Variants in STARD9 observed in about 807,000 individuals in gnomAD.
The protein encoded by STARD9 is StAR related lipid transfer domain containing 9.
STARD9 carries 346 observed loss-of-function variants against 399.8 expected under a neutral mutation model. The ratio of observed to expected loss-of-function variants is 0.87; its 90% CI spans 0.79 to 0.95. The LOEUF (loss-of-function observed/expected upper bound fraction) is 0.95, where lower values mean the gene tolerates loss of function less well. Among genes scored for constraint, STARD9 ranks in the 40% least tolerant of loss-of-function variants. The probability of loss-of-function intolerance (pLI) is 0.00; values close to 1 mark genes in which losing one functional copy is unlikely to be tolerated. For missense variants in STARD9, 5,832 were observed against 5,667.5 expected (o/e 1.03, Z -0.93); for synonymous variants, 2,203 against 2,143.5 (o/e 1.03, Z -0.77).
intron 3 of STARD9, among the ~76,000 whole-genome samples, chr15:42,601,500 C>T (rs902418413): frequency 2.7e-5 from 4 of 148,026 alleles, no homozygotes; most frequent in Non-Finnish European, 5.9e-5. Context: ...GGCTGCCCCC[C>T]ACCTCCCGGA....
chr15:42,656,709 T>G (rs2059880384), intron 9 of STARD9, among the ~76,000 whole-genome samples: 1 of 152,196 alleles, frequency 6.6e-6, no homozygotes, highest in African/African-American at 2.4e-5. Flanking sequence ...TTATTCTAAG[T>G]TAAGTGTCTC....
chr15:42,601,668 G>C (rs1304166927), intron 3 of STARD9, among the ~76,000 whole-genome samples: 1 of 152,040 alleles, frequency 6.6e-6, no homozygotes, highest in Non-Finnish European at 1.5e-5. Flanking sequence ...AGGGTTTTCT[G>C]AGCAAAACTC....
chr15:42,690,411 G>A lies in STARD9; in HGVS notation c.8833G>A (p.Gly2945Arg). Residue 2945 changes from glycine (G) to arginine (R), a missense_variant, in exon 23 of 33, where the codon GGG becomes AGG. Transcript: ENST00000290607. ...CAGCAGGACTCTCAGCCCGTCTAGA[G>A]GGAAAGAGAGCAGAACTCTTCCTTG... The part of the protein sequence containing the change: ...EGSRTLSPSR[G>R]KESRTLPCRQ... 2.0e-6 allele frequency: 3 copies of A among 1,537,260 alleles called. No individual in the cohort carries two copies. The highest frequency in any genetic ancestry group is 2.6e-6 in the Non-Finnish European group (3 of 1,146,912).
In STARD9 at chr15:42,690,078, C is replaced by G; in HGVS notation, c.8500C>G (p.His2834Asp). Residue 2834 changes from histidine to aspartate, a missense_variant, in exon 23 of 33, where the codon CAT (histidine) becomes GAT (aspartate). This residue lies in a region of STARD9 where 5,828 missense variants were observed against 5,651.1 expected (regional missense o/e 1.03). Transcript: ENST00000290607. ...STSASGPKQDHVQCPEASTGF... is the reference protein window; with the variant it reads ...STSASGPKQDDVQCPEASTGF... The stretch of plus-strand genomic sequence containing the variant: ...AAGTGCCTCAGGGCCTAAGCAAGAC[C>G]ATGTCCAATGCCCTGAGGCTTCTAC... 6.5e-7 allele frequency: 1 copy of G among 1,537,588 alleles called. No individual in the cohort carries two copies. Among genetic ancestry groups the G allele is most frequent in the South Asian group, 1.2e-5 (1 of 84,058 alleles).
intron 3 of STARD9, among the ~76,000 whole-genome samples, chr15:42,596,414 A>T (rs1420264407): frequency 6.6e-6 from 1 of 152,230 alleles, no homozygotes; most frequent in Non-Finnish European, 1.5e-5. Flanking sequence ...AAGTATGATG[A>T]TGGTGATGAT....
In STARD9 at chr15:42,675,881, G is replaced by T. The variant is rs554285263; in HGVS notation, c.1780G>T (p.Ala594Ser). 1.3e-6 allele frequency: 2 copies of T among 1,537,124 alleles called. No homozygotes were observed. The highest frequency in any genetic ancestry group is 1.7e-6 in the Non-Finnish European group (2 of 1,146,900). Residue 594 changes from alanine (A) to serine (S), a missense_variant, in exon 20 of 33, where the codon GCT becomes TCT. Transcript: ENST00000290607. Reference sequence around the variant, plus strand: ...TTCTTCCTTGTTCAAGGTTGGAGAGGCTGCTGCTGGTCGTGGCTCGTTGGA... The same window carrying T: ...TTCTTCCTTGTTCAAGGTTGGAGAGTCTGCTGCTGGTCGTGGCTCGTTGGA... ...VLRQRRQVGE[A>S]AAGRGSLEWL...
At chr15:42,658,504 A>T (rs2059924748) in intron 9 of STARD9, among the ~76,000 whole-genome samples, 1 of 127,430 alleles carries the variant, frequency 7.8e-6, no homozygotes. Context: ...TTTTAATGAG[A>T]CTGATTCTTG....
rs2060542652 is a variant in STARD9 at position 42,685,902 on chromosome 15, G to A, written c.4324G>A (p.Gly1442Ser). ...ACCAGGAGCTGATGGCACCTTTCAG[G>A]GCAGATGTATCCCTGACATGACCCA... ...IQPGADGTFQ[G>S]RCIPDMTQQG... Residue 1442 changes from glycine (G) to serine (S), a missense_variant, in exon 23 of 33, where the codon GGC (glycine) becomes AGC (serine). Around this residue, in one of 2 missense-constraint regions of STARD9, gnomAD observed 5,828 missense variants for 5,651.1 expected, o/e 1.03. Transcript: ENST00000290607. The A allele has an allele frequency of 6.5e-7, 1 of 1,537,084 alleles. No individual in the cohort carries two copies. Among genetic ancestry groups the A allele is most frequent in the Non-Finnish European group, 8.7e-7 (1 of 1,146,910 alleles).
chr15:42,669,524 T>G (rs1360102502), intron 16 of STARD9, 187 bp downstream of exon 16: 2 of 471,214 alleles, frequency 4.2e-6, no homozygotes, highest in African/African-American at 3.8e-5. Flanking sequence ...TTCGTATGTA[T>G]AGAGCAGAAG....
rs191655165 is a variant in STARD9, at chr15:42,612,019, A to G, written c.235-22837A>G. On this transcript the variant is annotated intron_variant, in intron 3 of 32. Transcript: ENST00000290607. ...GGTCTCACTCTGTCGTCCAGGCTGGAGTGCAGTGGCACAATCATGGCTCAC... is the reference window on the plus strand; with the variant it reads ...GGTCTCACTCTGTCGTCCAGGCTGGGGTGCAGTGGCACAATCATGGCTCAC... Among the ~76,000 whole-genome samples, 188 of 152,220 alleles carry G rather than the reference A, an allele frequency of 1.2e-3. 1 individual carries two copies. Among genetic ancestry groups the G allele is most frequent in the African/African-American group, 4.2e-3 (174 of 41,530 alleles).
chr15:42,639,389 TTGG>T (rs1434149431), intron 7 of STARD9, among the ~76,000 whole-genome samples: 3 of 152,264 alleles, frequency 2.0e-5, no homozygotes, highest in Non-Finnish European at 4.4e-5. Flanking sequence ...TTCTCTGCCA[TTGG>T]TGGTGGTAGT....
chr15:42,614,881 C>T (rs1227619113), intron 3 of STARD9, among the ~76,000 whole-genome samples: 3 of 152,088 alleles, frequency 2.0e-5, no homozygotes, highest in African/African-American at 7.2e-5. Flanking sequence ...GGGAGAATCC[C>T]TTGAACCCGG....
chr15:42,710,208 C>T (rs2061182615), intron 26 of STARD9, among the ~76,000 whole-genome samples: 2 of 150,396 alleles, frequency 1.3e-5, no homozygotes, highest in Non-Finnish European at 2.9e-5. Context: ...TACAGGTGTG[C>T]ACCACCATGC....
rs1166722293 is a variant in STARD9, at chr15:42,686,939, A to G, written c.5361A>G (p.Gln1787=). 1.3e-6 allele frequency: 2 copies of G among 1,536,568 alleles called. No individual in the cohort carries two copies. Among genetic ancestry groups the G allele is most frequent in the African/African-American group, 1.4e-5 (1 of 73,018 alleles). ...CCTGGGGCTTTGGTCACAACCACCA[A>G]GCTCTCCAAGGTGCTTATTTGAAGA... ...REAWGFGHNH[Q]ALQGAYLKNN... is the part of the protein sequence containing the mutation. The change falls in exon 23 of 33, where the codon CAA becomes CAG. Residue 1787 remains glutamine, a synonymous_variant. Coordinates refer to ENST00000290607, the MANE Select transcript of STARD9 (RefSeq NM_020759.3).
chr15:42,701,167 T>G (rs1481424772), intron 26 of STARD9, among the ~76,000 whole-genome samples: 1 of 152,210 alleles, frequency 6.6e-6, no homozygotes, highest in Non-Finnish European at 1.5e-5. Context: ...CTTGGTAGTA[T>G]TTTTTGAAGT....
At chr15:42,717,349 G>A (rs146566873) in intron 28 of STARD9, among the ~76,000 whole-genome samples, 42 of 152,178 alleles carry the variant, frequency 2.8e-4, no homozygotes, top group African/African-American at 9.6e-4. Flanking sequence ...TAGGCCAGGC[G>A]TGGTAGCTCA....
chr15:42,635,037 T>C, intron 4 of STARD9, 65 bp downstream of exon 4: 1 of 793,316 alleles, frequency 1.3e-6, no homozygotes, highest in Non-Finnish European at 2.0e-6. Context: ...TTGTCCTTAC[T>C]ACTGTGAGAC....
intron 3 of STARD9, among the ~76,000 whole-genome samples, chr15:42,605,927 C>T (rs528107980): frequency 9.2e-5 from 14 of 152,264 alleles, no homozygotes; most frequent in Admixed American, 2.0e-4. Context: ...TATTGCTTTT[C>T]CTTTTCTCCC....
chr15:42,575,663 GC>G lies in STARD9; in HGVS notation c.-51del. On this transcript the variant is annotated 5_prime_UTR_variant, in exon 1 of 33. Transcript: ENST00000290607. ...GGCTGTGTCTGGGCTTAGGGCGGGGGCCTGGGATGCTGCCGCTGAGCTGACC... is the reference window on the plus strand; with the variant it reads ...GGCTGTGTCTGGGCTTAGGGCGGGGGCTGGGATGCTGCCGCTGAGCTGACC... 4 of 1,528,460 alleles carry G rather than the reference GC, an allele frequency of 2.6e-6. No individual in the cohort carries two copies. Among genetic ancestry groups the G allele is most frequent in the Non-Finnish European group, 2.6e-6 (3 of 1,140,728 alleles). 94.7% of individuals were successfully genotyped at this position (1,528,460 alleles called of 1,614,324 possible).
Sources: allele counts gnomAD v4.1 joint callset (sites outside exome capture counted in the v4.1 genomes callset), GRCh38; gene constraint gnomAD v4.1.1; regional missense constraint gnomAD v4.1.1; transcripts MANE v1.5; gene names NCBI Gene and HGNC (gene_info 2026-07-23, HGNC 2026-07-21).